Variants in ZNF541 observed in about 807,000 individuals in gnomAD.
ZNF541 encodes the protein zinc finger protein 541.
A neutral mutation model predicts 123.5 loss-of-function variants in ZNF541; 23 were observed. That is an observed-to-expected ratio of 0.19 (90% CI 0.13 to 0.26). The LOEUF (loss-of-function observed/expected upper bound fraction) is 0.26. ZNF541 is among the 10% of genes least tolerant of loss of function. The probability of loss-of-function intolerance (pLI) is 1.00; values close to 1 mark genes in which losing one functional copy is unlikely to be tolerated. For missense variants in ZNF541, 1,612 were observed against 1,789.9 expected (o/e 0.90, Z 1.79); for synonymous variants, 751 against 754.5 (o/e 1.00, Z 0.08).
In ZNF541 at chr19:47,521,223, G is replaced by A. The variant is rs1200329758; in HGVS notation, c.*1C>T. ...CCCATTCGGACTTGCTGCCACGGGAGTCACCACTGCAGGGGGCCGATGTCA... is the reference window on the plus strand; with the variant it reads ...CCCATTCGGACTTGCTGCCACGGGAATCACCACTGCAGGGGGCCGATGTCA... On this transcript the variant is annotated 3_prime_UTR_variant, in exon 17 of 17. Transcript: ENST00000391901. This position sits in a 1 kb window ranked among gnomAD's most constrained non-coding sequence, Gnocchi z 4.2. The A allele has an allele frequency of 2.6e-6, 4 of 1,551,076 alleles. No individual in the cohort carries two copies. The highest frequency in any genetic ancestry group is 8.7e-7 in the Non-Finnish European group (1 of 1,146,648).
At chr19:47,555,014 A>G (rs1970756228) in intron 3 of ZNF541, among the ~76,000 whole-genome samples, 1 of 150,054 alleles carries the variant, frequency 6.7e-6, no homozygotes, top group Admixed American at 6.7e-5. Context: ...GAATTGCTTG[A>G]ACCCGGAAGC....
At chr19:47,565,275 G>A (rs1173335289) in intron 2 of ZNF541, among the ~76,000 whole-genome samples, 1 of 151,932 alleles carries the variant, frequency 6.6e-6, no homozygotes, top group East Asian at 1.9e-4. Flanking sequence ...TCATATAACC[G>A]AGTACCACCT....
chr19:47,533,439 A>C (rs1196816728), intron 9 of ZNF541, among the ~76,000 whole-genome samples: 1 of 151,138 alleles, frequency 6.6e-6, no homozygotes, highest in Non-Finnish European at 1.5e-5. Flanking sequence ...TAGAGGAAGG[A>C]ACTCTAACAA....
Position 47,544,775 on chromosome 19 carries a change from C to A in ZNF541, c.1754G>T (p.Gly585Val). Residue 585 changes from glycine (G) to valine (V), a missense_variant, in exon 5 of 17, where the codon GGC (glycine) becomes GTC (valine). This residue lies in a region of ZNF541 where 1,080 missense variants were observed against 1,013.8 expected (regional missense o/e 1.07). Transcript: ENST00000391901. ...AVSSQLPAPE[G>V]KPAALRPLQG... ...CAGCGGCCTCAGGGCGGCTGGTTTG[C>A]CCTCGGGCGCAGGGAGCTGGGAGGA... 6.6e-7 allele frequency: 1 copy of A among 1,511,856 alleles called. No individual in the cohort carries two copies. The highest frequency in any genetic ancestry group is 1.2e-5 in the South Asian group (1 of 80,676). The allele number at this position is 1,511,856 out of a possible 1,614,324, so 93.7% of individuals were successfully genotyped here.
intron 5 of ZNF541, 93 bp from the exon 6 acceptor site, chr19:47,541,044 A>T (rs1364574205): frequency 6.9e-5 from 83 of 1,195,146 alleles, no homozygotes; most frequent in Non-Finnish European, 9.5e-5. Flanking sequence ...CATCAGAGTA[A>T]ATCTTCATGA....
chr19:47,529,082 G>A, intron 13 of ZNF541, 44 bp from the exon 14 acceptor site: 1 of 1,423,216 alleles, frequency 7.0e-7, no homozygotes, highest in Non-Finnish European at 9.7e-7. Flanking sequence ...ATTTGTCCTG[G>A]GACCACAGCC....
At chr19:47,539,976 T>C (rs1970008031) in intron 7 of ZNF541, 98 bp from the exon 8 acceptor site, 2 of 1,484,422 alleles carry the variant, frequency 1.3e-6, no homozygotes, top group Non-Finnish European at 1.8e-6. Context: ...AAAACAGCAG[T>C]GAGTCTGTGG....
At chr19:47,546,276 G>A (rs544145368) in intron 4 of ZNF541, among the ~76,000 whole-genome samples, 3 of 151,712 alleles carry the variant, frequency 2.0e-5, no homozygotes, top group South Asian at 4.2e-4. Flanking sequence ...GGGAGGCCGA[G>A]GTGAGTGGAT....
Position 47,545,063 on chromosome 19 carries a change from G to C in ZNF541, c.1466C>G (p.Pro489Arg). The stretch of plus-strand genomic sequence containing the variant: ...GTCATCTTCCCCGCTGGCCGACCTG[G>C]GGTCGCTCGGGGCCTCCGCGGGGAC... ...LRVPAEAPSDPRSASGEDDPC... is the reference protein window; with the variant it reads ...LRVPAEAPSDRRSASGEDDPC... The change falls in exon 5 of 17, where the codon CCC (proline) becomes CGC (arginine). Residue 489 changes from proline (P) to arginine (R), a missense_variant. Pro to Arg is a moderately radical substitution (Grantham distance 103, BLOSUM62 -2). Around this residue, in one of 5 missense-constraint regions of ZNF541, gnomAD observed 1,080 missense variants for 1,013.8 expected, o/e 1.07. Coordinates refer to ENST00000391901, the MANE Select transcript of ZNF541 (RefSeq NM_001277075.3). The surrounding 1 kb of genome is among the most constrained non-coding windows in gnomAD (Gnocchi z 7.5). 1 of 1,478,102 alleles carries C rather than the reference G, an allele frequency of 6.8e-7. No homozygotes were observed. The highest frequency in any genetic ancestry group is 8.9e-7 in the Non-Finnish European group (1 of 1,118,232). 91.6% of individuals were successfully genotyped at this position (1,478,102 alleles called of 1,614,324 possible).
intron 2 of ZNF541, among the ~76,000 whole-genome samples, chr19:47,556,737 GAATGAT>G (rs1288321040): frequency 6.6e-6 from 1 of 150,930 alleles, no homozygotes; most frequent in African/African-American, 2.4e-5. Flanking sequence ...ATTAAATGTG[GAATGAT>G]AATTTTTTTT....
intron 1 of ZNF541, among the ~76,000 whole-genome samples, chr19:47,572,837 G>A (rs1242209822): frequency 6.6e-6 from 1 of 152,048 alleles, no homozygotes; most frequent in Non-Finnish European, 1.5e-5. Context: ...CTCCAAGGGG[G>A]AAGGGCCTGT....
chr19:47,527,397 T>A (rs1265606543), intron 14 of ZNF541, among the ~76,000 whole-genome samples: 2 of 152,170 alleles, frequency 1.3e-5, no homozygotes, highest in African/African-American at 4.8e-5. Context: ...GATCTCATCC[T>A]TTGGCTTTTT....
At position 47,540,212 on chromosome 19, in the gene ZNF541, G is replaced by C; in HGVS notation, c.2586C>G (p.Asp862Glu). 6.4e-7 allele frequency: 1 copy of C among 1,551,574 alleles called. No individual in the cohort carries two copies. The highest frequency in any genetic ancestry group is 1.2e-5 in the South Asian group (1 of 84,056). The stretch of plus-strand genomic sequence containing the variant: ...GCTTCCCTCGAGGTGACGGCCACTG[G>C]TCGCTGTGAAAACACATGTGGCTGC... ...GLSSHMCFHSDQWPSPRGKQE... is the reference protein window; with the variant it reads ...GLSSHMCFHSEQWPSPRGKQE... Residue 862 changes from aspartate (D) to glutamate (E), a missense_variant, in exon 7 of 17, where the codon GAC (aspartate) becomes GAG (glutamate). Coordinates refer to ENST00000391901, the MANE Select transcript of ZNF541 (RefSeq NM_001277075.3).
chr19:47,544,725 G>A lies in ZNF541; in HGVS notation c.1804C>T (p.Pro602Ser), dbSNP rs1226056701. 2 of 1,502,930 alleles carry A rather than the reference G, an allele frequency of 1.3e-6. No homozygotes were observed. Among genetic ancestry groups the A allele is most frequent in the Non-Finnish European group, 1.8e-6 (2 of 1,128,118 alleles). 93.1% of individuals were successfully genotyped at this position (1,502,930 alleles called of 1,614,324 possible). A position where few individuals can be genotyped will look rare whatever the true frequency, so the allele number is the denominator to read the frequency against. ...GAGTCCACAGCAGGAGCCAGTGGTG[G>A]GGGCTGCTGCGGCCACGGCCCCTGC... The part of the protein sequence containing the change: ...PLQGPWPQQP[P>S]PLAPAVDSLH... Residue 602 changes from proline to serine, a missense_variant, in exon 5 of 17, where the codon CCA becomes TCA. Pro to Ser is a moderately conservative substitution (Grantham distance 74, BLOSUM62 -1). Coordinates refer to ENST00000391901, the MANE Select transcript of ZNF541 (RefSeq NM_001277075.3).
chr19:47,522,000 G>A lies in ZNF541; in HGVS notation c.3571-6C>T. 1.3e-6 allele frequency: 2 copies of A among 1,551,920 alleles called. No homozygotes were observed. The highest frequency in any genetic ancestry group is 1.7e-6 in the Non-Finnish European group (2 of 1,147,090). On this transcript the variant is annotated splice_polypyrimidine_tract_variant and splice_region_variant and intron_variant, in intron 14 of 16. Transcript: ENST00000391901. The surrounding 1 kb of genome is among the most constrained non-coding windows in gnomAD (Gnocchi z 4.2). ...GCTACCGTCTTTGTCTGGATCTAGT[G>A]AAAGAAAACAAGCAGGCTGTGGCTG... is the stretch of plus-strand genomic sequence containing the variant.
At chr19:47,527,200 G>T (rs1289873833) in intron 14 of ZNF541, among the ~76,000 whole-genome samples, 1 of 152,214 alleles carries the variant, frequency 6.6e-6, no homozygotes, top group Non-Finnish European at 1.5e-5. Flanking sequence ...TGATTACTAT[G>T]TGGCAGGAGG....
rs1289551848 is a variant in ZNF541, at chr19:47,544,447, G to A, written c.2082C>T (p.Pro694=). 2 of 1,551,564 alleles carry A rather than the reference G, an allele frequency of 1.3e-6. No homozygotes were observed. Among genetic ancestry groups the A allele is most frequent in the Middle Eastern group, 1.7e-4 (1 of 6,014 alleles). ...ACTGGGTCTGCCGTTGGCCTGTGGA[G>A]GGGAAGATGTCCTCCAGGTCCAAGG... is the stretch of plus-strand genomic sequence containing the variant. ...KGTLDLEDIF[P]STGQRQTQLG... is the part of the protein sequence containing the mutation. Residue 694 remains proline (P), a synonymous_variant, in exon 5 of 17, where the codon CCC becomes CCT. Transcript: ENST00000391901.
chr19:47,548,442 C>CAAAAAAAAAAAAAAAAAAAAA (rs574466068), intron 4 of ZNF541, among the ~76,000 whole-genome samples: 4 of 60,354 alleles, frequency 6.6e-5, no homozygotes, highest in African/African-American at 8.2e-5. Flanking sequence ...GACTCCATCT[C>CAAAAAAAAAAAAAAAAAAAAA]AAAAAAAAAA....
chr19:47,556,435 T>A (rs1970823709), intron 2 of ZNF541, among the ~76,000 whole-genome samples: 1 of 152,202 alleles, frequency 6.6e-6, no homozygotes, highest in African/African-American at 2.4e-5. Flanking sequence ...TATGAAGTAC[T>A]TGATTTTTTC....
Sources: allele counts gnomAD v4.1 joint callset (sites outside exome capture counted in the v4.1 genomes callset), GRCh38; gene constraint gnomAD v4.1.1; regional missense constraint gnomAD v4.1.1; non-coding constraint Gnocchi (gnomAD v3.1); transcripts MANE v1.5; gene names NCBI Gene and HGNC (gene_info 2026-07-23, HGNC 2026-07-21).